Variants in ITGA2 observed in about 807,000 individuals in gnomAD.
ITGA2 encodes the protein integrin alpha-2.
A neutral mutation model predicts 146.3 loss-of-function variants in ITGA2; 101 were observed. The ratio of observed to expected loss-of-function variants is 0.69; its 90% CI spans 0.59 to 0.81. The LOEUF is 0.81. Ranked by LOEUF, ITGA2 falls within the 40% of genes least tolerant of loss-of-function variation. The pLI is 0.00. For missense variants in ITGA2, 1,281 were observed against 1,402.7 expected, an observed-to-expected ratio of 0.91 and a Z score of 1.39; for synonymous variants, 477 against 487.1, an observed-to-expected ratio of 0.98 and a Z score of 0.27.
intron 1 of ITGA2, among the ~76,000 whole-genome samples, chr5:53,007,403 C>T (rs1431199438): frequency 2.0e-5 from 3 of 151,856 alleles, no homozygotes; most frequent in Admixed American, 6.6e-5. Flanking sequence ...CATATATTGC[C>T]TCAAGATATG....
intron 1 of ITGA2, among the ~76,000 whole-genome samples, chr5:53,000,498 ACT>A (rs919910578): frequency 1.3e-5 from 2 of 151,416 alleles, no homozygotes; most frequent in Non-Finnish European, 2.9e-5. Flanking sequence ...TATGTTTCTT[ACT>A]CTCTCTACTG....
At position 53,090,918 on chromosome 5, in the gene ITGA2, A is replaced by G; in HGVS notation, c.*319A>G. 1 of 553,032 alleles carries G rather than the reference A, an allele frequency of 1.8e-6. No individual in the cohort carries two copies. Among genetic ancestry groups the G allele is most frequent in the South Asian group, 2.7e-5 (1 of 36,678 alleles). The allele number at this position is 553,032 out of a possible 1,614,324, so 34.3% of individuals were successfully genotyped here. A position where few individuals can be genotyped will look rare whatever the true frequency, so the allele number is the denominator to read the frequency against. On this transcript the variant is annotated 3_prime_UTR_variant, in exon 30 of 30. Coordinates refer to ENST00000296585, the MANE Select transcript of ITGA2 (RefSeq NM_002203.4). ...TCAGAAACATGAAATGCTTCCAAGC[A>G]TGACAACTTTTAAAGAAAAATATGA...
At chr5:53,004,894 GTTTTTT>G (rs548541753) in intron 1 of ITGA2, among the ~76,000 whole-genome samples, 4 of 55,940 alleles carry the variant, frequency 7.2e-5, no homozygotes, top group South Asian at 8.9e-4. Context: ...TAGTTGCTTT[GTTTTTT>G]TTTTTTTTTT....
chr5:53,087,528 T>C (rs1032846235), intron 28 of ITGA2, among the ~76,000 whole-genome samples: 3 of 151,112 alleles, frequency 2.0e-5, no homozygotes, highest in Non-Finnish European at 2.9e-5. Flanking sequence ...TAGAGGGTTT[T>C]AAAAAATAGT....
intron 1 of ITGA2, among the ~76,000 whole-genome samples, chr5:52,998,386 G>C (rs528593259): frequency 6.6e-6 from 1 of 152,068 alleles, no homozygotes; most frequent in African/African-American, 2.4e-5. Context: ...CCTGGGAGGC[G>C]GAGGTTGCAG....
chr5:53,073,847 G>A, intron 20 of ITGA2, among the ~76,000 whole-genome samples: 1 of 149,856 alleles, frequency 6.7e-6, no homozygotes, highest in South Asian at 2.1e-4. Flanking sequence ...ATCTTAATAG[G>A]CTTAGAGTTC....
chr5:53,019,036 C>T (rs1171935047), intron 1 of ITGA2, among the ~76,000 whole-genome samples: 1 of 151,590 alleles, frequency 6.6e-6, no homozygotes, highest in Non-Finnish European at 1.5e-5. Flanking sequence ...TGCTCTCCAG[C>T]CTGGGTAACA....
intron 1 of ITGA2, among the ~76,000 whole-genome samples, chr5:52,992,895 T>TCA (rs1051740716): frequency 2.9e-4 from 44 of 151,584 alleles, no homozygotes; most frequent in African/African-American, 8.9e-4. Flanking sequence ...AAATACACAT[T>TCA]CACACACACA....
At chr5:53,067,558 C>A in intron 16 of ITGA2, among the ~76,000 whole-genome samples, 1 of 151,806 alleles carries the variant, frequency 6.6e-6, no homozygotes. Flanking sequence ...TACTTAAAAC[C>A]TTGAGCATAC....
At position 53,090,123 on chromosome 5, in the gene ITGA2, A is replaced by G. The variant is rs185995950; in HGVS notation, c.3465+61A>G. 871 of 974,904 alleles carry G rather than the reference A, an allele frequency of 8.9e-4. 5 individuals are homozygous for G. The African/African-American group carries it at 0.012, about 14-fold the overall frequency. The allele number at this position is 974,904 out of a possible 1,614,324, so 60.4% of individuals were successfully genotyped here. A position where few individuals can be genotyped will look rare whatever the true frequency, so the allele number is the denominator to read the frequency against. On this transcript the variant is annotated intron_variant, in intron 29 of 29. Transcript: ENST00000296585. Reference sequence around the variant, plus strand: ...CTGAAGGCCAGCCTTGAATTTGCTTACAAAACATCAACTTCAGGTTTTATA... The same window carrying G: ...CTGAAGGCCAGCCTTGAATTTGCTTGCAAAACATCAACTTCAGGTTTTATA...
intron 1 of ITGA2, among the ~76,000 whole-genome samples, chr5:53,015,108 T>A (rs1425329652): frequency 6.6e-6 from 1 of 152,188 alleles, no homozygotes; most frequent in Non-Finnish European, 1.5e-5. Context: ...AGTTCTTCTC[T>A]GATTTTGGTT....
At chr5:53,047,144 C>T (rs917420108) in intron 4 of ITGA2, among the ~76,000 whole-genome samples, 39 of 152,122 alleles carry the variant, frequency 2.6e-4, no homozygotes, top group African/African-American at 9.2e-4. Context: ...AGCTGCTTCC[C>T]CTTTGACAGT....
chr5:53,011,970 G>A (rs1362206493), intron 1 of ITGA2, among the ~76,000 whole-genome samples: 1 of 152,090 alleles, frequency 6.6e-6, no homozygotes, highest in East Asian at 1.9e-4. Flanking sequence ...ACTGATTTTA[G>A]CAAAATCTGT....
chr5:53,072,003 T>C lies in ITGA2; in HGVS notation c.2301T>C (p.Thr767=), dbSNP rs190589695. The change falls in exon 18 of 30, where the codon ACT becomes ACC. Residue 767 remains threonine, a synonymous_variant. Coordinates refer to ENST00000296585, the MANE Select transcript of ITGA2 (RefSeq NM_002203.4). ...ACATCAGTCTGGAAAACCCTGGCAC[T>C]AGCCCTGCCCTTGAAGCCTATTCTG... The part of the protein sequence containing the change: ...RVDISLENPG[T]SPALEAYSET... 1.2e-5 allele frequency: 19 copies of C among 1,612,346 alleles called. No homozygotes were observed. The East Asian group carries it at 4.2e-4, about 36-fold the overall frequency.
rs766887394 is a variant in ITGA2 at position 53,062,945 on chromosome 5, T to A, written c.1602+16T>A. The A allele has an allele frequency of 1.0e-5, 15 of 1,498,804 alleles. No homozygotes were observed. Among genetic ancestry groups the A allele is most frequent in the Admixed American group, 1.7e-5 (1 of 58,558 alleles). The allele number at this position is 1,498,804 out of a possible 1,614,324, so 92.8% of individuals were successfully genotyped here. A position where few individuals can be genotyped will look rare whatever the true frequency, so the allele number is the denominator to read the frequency against. ...TATCAAAGAGGTAAAAAAAAAAAAATAAACTAATAGTTTAATTTGCTTTAG... is the reference window on the plus strand; with the variant it reads ...TATCAAAGAGGTAAAAAAAAAAAAAAAAACTAATAGTTTAATTTGCTTTAG... On this transcript the variant is annotated intron_variant, in intron 13 of 29. Transcript: ENST00000296585.
chr5:52,997,048 A>G (rs919408969), intron 1 of ITGA2, among the ~76,000 whole-genome samples: 1 of 152,238 alleles, frequency 6.6e-6, no homozygotes, highest in Non-Finnish European at 1.5e-5. Context: ...AGTCATAATT[A>G]AAGTGCTTAT....
intron 2 of ITGA2, among the ~76,000 whole-genome samples, chr5:53,027,456 TG>T (rs1743005636): frequency 2.0e-5 from 3 of 152,366 alleles, no homozygotes; most frequent in African/African-American, 7.2e-5. Context: ...TGCTATGTGA[TG>T]GTTACATTTT....
chr5:53,044,340 A>G (rs1374925561), intron 3 of ITGA2, among the ~76,000 whole-genome samples: 1 of 150,394 alleles, frequency 6.6e-6, no homozygotes, highest in Non-Finnish European at 1.5e-5. Context: ...CACCCTGGGA[A>G]ATAAGGGAAG....
At position 53,046,951 on chromosome 5, in the gene ITGA2, C is replaced by A. The variant is rs1199416254; in HGVS notation, c.388-1412C>A. 2.0e-5 allele frequency among the ~76,000 whole-genome samples: 3 copies of A among 152,032 alleles called. No homozygotes were observed. The East Asian group carries it at 5.8e-4, about 29-fold the overall frequency. On this transcript the variant is annotated intron_variant, in intron 4 of 29. Coordinates refer to ENST00000296585, the MANE Select transcript of ITGA2 (RefSeq NM_002203.4). ...AAAAATTTTGAATACTTCATGAGTT[C>A]TTTTTCAAAGTGATTTTAAAAAAAG...
Sources: gnomAD v4.1 joint callset for allele counts (sites outside exome capture counted in the v4.1 genomes callset) on GRCh38, gnomAD v4.1.1 for gene constraint, MANE v1.5 for transcripts, NCBI Gene and HGNC (gene_info 2026-07-23, HGNC 2026-07-21) for gene names.